The following GABRB1 variants were observed in gnomAD, a reference collection of about 807,000 sequenced individuals.
The protein encoded by GABRB1 is gamma-aminobutyric acid receptor subunit beta-1.
In GABRB1, 17 loss-of-function variants were observed where a neutral mutation model predicts 51.6. The ratio of observed to expected loss-of-function variants is 0.33; its 90% CI spans 0.23 to 0.49. The LOEUF is 0.49. GABRB1 is among the 20% of genes least tolerant of loss of function. GABRB1 has a pLI of 0.99. For synonymous variants in GABRB1, 247 were observed against 218.9 expected (o/e 1.13, Z -1.14); for missense variants, 410 against 600.6 (o/e 0.68, Z 3.32).
chr4:47,203,294 G>A (rs1160987871), intron 4 of GABRB1, among the ~76,000 whole-genome samples: 1 of 152,134 alleles, frequency 6.6e-6, no homozygotes, highest in Non-Finnish European at 1.5e-5. Context: ...CAATTTCTGT[G>A]ATTCCATCTT....
intron 3 of GABRB1, among the ~76,000 whole-genome samples, chr4:47,114,042 G>C (rs752635629): frequency 1.3e-5 from 2 of 152,190 alleles, no homozygotes; most frequent in Non-Finnish European, 2.9e-5. Context: ...GGTTAGGGTT[G>C]TCTGACCAAG....
At chr4:47,374,705 G>A (rs1727318715) in intron 5 of GABRB1, among the ~76,000 whole-genome samples, 1 of 152,224 alleles carries the variant, frequency 6.6e-6, no homozygotes, top group South Asian at 2.1e-4. Flanking sequence ...ATTGGCACAG[G>A]ATTGGTGTCA....
At chr4:47,259,514 C>T (rs1444491588) in intron 4 of GABRB1, among the ~76,000 whole-genome samples, 8 of 152,112 alleles carry the variant, frequency 5.3e-5, no homozygotes, top group African/African-American at 1.9e-4. Flanking sequence ...ATCTCATTCA[C>T]GTCTCTCAAT....
At chr4:47,048,316 C>G (rs965356393) in intron 3 of GABRB1, among the ~76,000 whole-genome samples, 8 of 152,072 alleles carry the variant, frequency 5.3e-5, no homozygotes, top group Non-Finnish European at 1.0e-4. Context: ...GCACAATACT[C>G]AAACTTATAT....
chr4:47,424,168 C>T (rs182890233), intron 8 of GABRB1, among the ~76,000 whole-genome samples: 1 of 152,174 alleles, frequency 6.6e-6, no homozygotes, highest in South Asian at 2.1e-4. Context: ...TACTGAGTTT[C>T]CTGTGGAAAC....
chr4:47,420,498 T>A (rs1269007677), intron 8 of GABRB1, among the ~76,000 whole-genome samples: 1 of 152,182 alleles, frequency 6.6e-6, no homozygotes, highest in African/African-American at 2.4e-5. Context: ...ATGTTAACAA[T>A]TTTAATTTGC....
chr4:47,135,247 G>A (rs1577939748), intron 3 of GABRB1, among the ~76,000 whole-genome samples: 1 of 152,140 alleles, frequency 6.6e-6, no homozygotes, highest in East Asian at 1.9e-4. Flanking sequence ...AAGGTGTTGA[G>A]TTTCATTTTA....
chr4:47,198,622 T>G (rs11937046), intron 4 of GABRB1, among the ~76,000 whole-genome samples: 1 of 152,138 alleles, frequency 6.6e-6, no homozygotes, highest in Non-Finnish European at 1.5e-5. Flanking sequence ...GCAATTGTTG[T>G]TATATAGTGG....
chr4:47,041,336 T>A (rs1051550189), intron 3 of GABRB1, among the ~76,000 whole-genome samples: 2 of 152,140 alleles, frequency 1.3e-5, no homozygotes, highest in Non-Finnish European at 2.9e-5. Flanking sequence ...AGGAAATCTA[T>A]TTAAGCAGTC....
At chr4:47,184,831 G>C (rs928127646) in intron 4 of GABRB1, among the ~76,000 whole-genome samples, 1 of 151,818 alleles carries the variant, frequency 6.6e-6, no homozygotes, top group Non-Finnish European at 1.5e-5. Flanking sequence ...ATTCAAGGAG[G>C]GGTTAATGAG....
intron 1 of GABRB1, among the ~76,000 whole-genome samples, chr4:47,003,569 T>C (rs1724293747): frequency 6.6e-6 from 1 of 152,216 alleles, no homozygotes; most frequent in Non-Finnish European, 1.5e-5. Context: ...TTGGAGAAAG[T>C]AAATGTCCAT....
At chr4:47,416,770 T>C (rs763606375) in intron 8 of GABRB1, among the ~76,000 whole-genome samples, 6 of 152,086 alleles carry the variant, frequency 3.9e-5, no homozygotes, top group African/African-American at 7.2e-5. Flanking sequence ...ACTTTTTTTT[T>C]CTTTGAGATG....
chr4:47,279,258 A>G (rs1723191766), intron 4 of GABRB1, among the ~76,000 whole-genome samples: 1 of 152,186 alleles, frequency 6.6e-6, no homozygotes, highest in South Asian at 2.1e-4. Context: ...TAGCAAATAA[A>G]CAAACAAACA....
rs181757295 is a variant in GABRB1, at chr4:47,230,391, T to C, written c.461+68922T>C. Among the ~76,000 whole-genome samples the C allele has an allele frequency of 1.6e-3, 248 of 152,072 alleles. 2 individuals are homozygous for C. Among genetic ancestry groups the C allele is most frequent in the Non-Finnish European group, 2.5e-3 (168 of 67,978 alleles). On this transcript the variant is annotated intron_variant, in intron 4 of 8. Transcript: ENST00000295454. ...CTGGAAAGTGATTTGAAAAAGACCA[T>C]CCAAATTCATGCACAGTAGTAAGAA...
At chr4:47,113,326 C>G (rs1170860119) in intron 3 of GABRB1, among the ~76,000 whole-genome samples, 1 of 144,048 alleles carries the variant, frequency 6.9e-6, no homozygotes, top group African/African-American at 2.6e-5. Flanking sequence ...GCGGAGGTTG[C>G]AGTGAGCTGG....
chr4:47,070,687 C>G (rs1049022553), intron 3 of GABRB1, among the ~76,000 whole-genome samples: 2 of 152,172 alleles, frequency 1.3e-5, no homozygotes, highest in Non-Finnish European at 2.9e-5. Flanking sequence ...ACTACTACAT[C>G]TAGGTTTCTC....
At chr4:47,229,345 T>C (rs1290605549) in intron 4 of GABRB1, among the ~76,000 whole-genome samples, 1 of 152,136 alleles carries the variant, frequency 6.6e-6, no homozygotes, top group Admixed American at 6.6e-5. Context: ...CAACGAAAGA[T>C]AATATAGAGA....
intron 8 of GABRB1, among the ~76,000 whole-genome samples, chr4:47,416,395 G>A (rs1012780100): frequency 6.6e-6 from 1 of 151,918 alleles, no homozygotes; most frequent in African/African-American, 2.4e-5. Context: ...GTCTTGAAAA[G>A]TAACTAGAAG....
chr4:47,251,279 A>G (rs572436596), intron 4 of GABRB1, among the ~76,000 whole-genome samples: 1 of 152,332 alleles, frequency 6.6e-6, no homozygotes, highest in African/African-American at 2.4e-5. Context: ...TTATCTGCAC[A>G]GAGTCTTATG....
Sources: gnomAD v4.1 joint callset for allele counts (sites outside exome capture counted in the v4.1 genomes callset) on GRCh38, gnomAD v4.1.1 for gene constraint, MANE v1.5 for transcripts, NCBI Gene and HGNC (gene_info 2026-07-23, HGNC 2026-07-21) for gene names.